GPHN: variants seen among roughly 807,000 people sequenced by gnomAD.
GPHN encodes the protein gephyrin.
Under a neutral mutation model 95.5 loss-of-function variants are expected in GPHN, and 17 were observed. That is an observed-to-expected ratio of 0.18 (90% CI 0.12 to 0.27). The LOEUF (loss-of-function observed/expected upper bound fraction) is 0.27, where lower values mean the gene tolerates loss of function less well. GPHN is among the 10% of genes least tolerant of loss of function. GPHN has a pLI of 1.00. For synonymous variants in GPHN, 320 were observed against 322.5 expected (o/e 0.99, Z 0.08); for missense variants, 660 against 978.1 (o/e 0.67, Z 4.34).
intron 9 of GPHN, among the ~76,000 whole-genome samples, chr14:66,993,655 C>T (rs182520614): frequency 2.1e-4 from 32 of 152,156 alleles, no homozygotes; most frequent in Admixed American, 6.5e-4. Flanking sequence ...TGAATCGAAT[C>T]AGCTAACTTT....
chr14:67,520,136 C>A, the GPHN span, among the ~76,000 whole-genome samples: 1 of 152,274 alleles, frequency 6.6e-6, no homozygotes, highest in Middle Eastern at 3.4e-3. Context: ...TATCAGAATC[C>A]CCCACCAGAG....
chr14:66,606,214 A>G (rs2062527454), intron 1 of GPHN, among the ~76,000 whole-genome samples: 1 of 152,112 alleles, frequency 6.6e-6, no homozygotes, highest in Admixed American at 6.5e-5. Flanking sequence ...GCATGTGGCT[A>G]GACAGTTATC....
the GPHN span, among the ~76,000 whole-genome samples, chr14:67,278,367 G>A: frequency 2.0e-5 from 3 of 150,152 alleles, no homozygotes; most frequent in Non-Finnish European, 3.0e-5. Context: ...AATGGGACCA[G>A]TTATAAAGAC....
At chr14:66,849,222 C>A (rs2062474459) in intron 4 of GPHN, among the ~76,000 whole-genome samples, 1 of 151,870 alleles carries the variant, frequency 6.6e-6, no homozygotes, top group Non-Finnish European at 1.5e-5. Context: ...GTAAGCTTTT[C>A]TTCATTTAAT....
At chr14:66,813,195 A>G (rs2060829904) in intron 3 of GPHN, among the ~76,000 whole-genome samples, 1 of 152,220 alleles carries the variant, frequency 6.6e-6, no homozygotes, top group Non-Finnish European at 1.5e-5. Flanking sequence ...ACTCAAATTA[A>G]TAACTTTTAT....
At chr14:66,528,062 G>C (rs2058761718) in intron 1 of GPHN, among the ~76,000 whole-genome samples, 2 of 152,136 alleles carry the variant, frequency 1.3e-5, no homozygotes, top group Non-Finnish European at 2.9e-5. Flanking sequence ...TATTGACAGT[G>C]GGGTGTTAAA....
intron 12 of GPHN, among the ~76,000 whole-genome samples, chr14:67,095,111 A>G (rs775595676): frequency 1.3e-5 from 2 of 152,186 alleles, no homozygotes; most frequent in Non-Finnish European, 2.9e-5. Context: ...AGTTAGATAG[A>G]TTGATACTTA....
intron 1 of GPHN, among the ~76,000 whole-genome samples, chr14:66,625,316 T>TC (rs2063484463): frequency 6.6e-6 from 1 of 152,162 alleles, no homozygotes. Flanking sequence ...CAAGTGATCC[T>TC]CCTGCCTTGG....
chr14:66,667,101 G>A (rs538184665), intron 1 of GPHN, among the ~76,000 whole-genome samples: 1 of 152,220 alleles, frequency 6.6e-6, no homozygotes, highest in East Asian at 1.9e-4. Flanking sequence ...ATCTCTGCAA[G>A]GAGAACTATA....
the GPHN span, among the ~76,000 whole-genome samples, chr14:67,491,458 A>T: frequency 1.3e-5 from 2 of 152,158 alleles, no homozygotes; most frequent in East Asian, 3.9e-4. Context: ...CCACCCCACC[A>T]CTTCCCCAGT....
chr14:66,521,578 G>A (rs576038864), intron 1 of GPHN, among the ~76,000 whole-genome samples: 1 of 152,264 alleles, frequency 6.6e-6, no homozygotes, highest in South Asian at 2.1e-4. Context: ...GGTCTGGTGA[G>A]GGCCTGTTCC....
At chr14:67,107,756 G>C (rs1253370059) in intron 13 of GPHN, among the ~76,000 whole-genome samples, 2 of 152,048 alleles carry the variant, frequency 1.3e-5, no homozygotes, top group Non-Finnish European at 2.9e-5. Context: ...TCCCCGGGGG[G>C]GCCAAGGATC....
intron 17 of GPHN, among the ~76,000 whole-genome samples, chr14:67,142,724 C>T (rs949715333): frequency 2.6e-5 from 4 of 152,142 alleles, no homozygotes; most frequent in Admixed American, 2.0e-4. Flanking sequence ...CTTGAGGGTT[C>T]TTCAAAATCA....
the GPHN span, among the ~76,000 whole-genome samples, chr14:67,247,605 G>T: frequency 6.6e-6 from 1 of 151,748 alleles, no homozygotes; most frequent in African/African-American, 2.4e-5. Context: ...TTTAAGATAG[G>T]GTCTCACTCT....
At chr14:66,832,286 T>C (rs77289335) in intron 4 of GPHN, among the ~76,000 whole-genome samples, 6,712 of 152,336 alleles carry the variant, frequency 0.044, 191 homozygotes, top group Middle Eastern at 0.068. Context: ...TAAATGCATG[T>C]AAAAGGATCT....
the GPHN span, among the ~76,000 whole-genome samples, chr14:67,377,581 G>C: frequency 6.6e-6 from 1 of 152,118 alleles, no homozygotes; most frequent in Non-Finnish European, 1.5e-5. Context: ...TTCCTATGCT[G>C]CTGTCACTGG....
At chr14:66,964,123 T>C (rs1195937756) in intron 8 of GPHN, among the ~76,000 whole-genome samples, 1 of 152,154 alleles carries the variant, frequency 6.6e-6, no homozygotes. Flanking sequence ...TCAACATATA[T>C]TAATAATGTT....
intron 17 of GPHN, among the ~76,000 whole-genome samples, chr14:67,141,801 A>C (rs934797896): frequency 2.0e-5 from 3 of 152,160 alleles, no homozygotes; most frequent in Non-Finnish European, 4.4e-5. Flanking sequence ...CCTGGATAAA[A>C]ATTGAAATTA....
the GPHN span, chr14:67,585,602 T>G: frequency 6.3e-7 from 1 of 1,584,818 alleles, no homozygotes; most frequent in Non-Finnish European, 8.6e-7. Context: ...AACGCTCTGG[T>G]GTGGATTGCT....
Sources: allele counts gnomAD v4.1 joint callset (sites outside exome capture counted in the v4.1 genomes callset), GRCh38; gene constraint gnomAD v4.1.1; transcripts MANE v1.5; gene names NCBI Gene and HGNC (gene_info 2026-07-23, HGNC 2026-07-21).